Variants in ABTB3 observed in about 807,000 individuals in gnomAD.
ABTB3 encodes the protein ankyrin repeat and BTB domain containing 3, also known as ankyrin repeat- and BTB/POZ domain-containing protein 3.
chr12:107,589,045 C>T, the ABTB3 span, among the ~76,000 whole-genome samples: 1 of 152,188 alleles, frequency 6.6e-6, no homozygotes, highest in Non-Finnish European at 1.5e-5. Context: ...AGTTACTCAC[C>T]TCTCTGGGCC....
the ABTB3 span, among the ~76,000 whole-genome samples, chr12:107,519,103 G>A: frequency 2.0e-5 from 3 of 152,060 alleles, no homozygotes; most frequent in African/African-American, 7.2e-5. Context: ...CCACAATAAC[G>A]GTGAGTAACT....
At chr12:107,567,336 C>T in the ABTB3 span, among the ~76,000 whole-genome samples, 1 of 152,232 alleles carries the variant, frequency 6.6e-6, no homozygotes, top group Non-Finnish European at 1.5e-5. Context: ...AGATGAAGAA[C>T]TGAAGTACAG....
the ABTB3 span, among the ~76,000 whole-genome samples, chr12:107,602,753 C>G: frequency 9.7e-4 from 147 of 152,328 alleles, no homozygotes; most frequent in Middle Eastern, 3.4e-3. Flanking sequence ...TTGGCACTCA[C>G]AAAGCATCCA....
chr12:107,614,157 C>G, the ABTB3 span, among the ~76,000 whole-genome samples: 1 of 152,144 alleles, frequency 6.6e-6, no homozygotes, highest in Admixed American at 6.5e-5. Flanking sequence ...GTTACATGAC[C>G]CCAGGAGTGT....
the ABTB3 span, among the ~76,000 whole-genome samples, chr12:107,653,389 C>A: frequency 1.1e-4 from 16 of 151,966 alleles, no homozygotes; most frequent in Middle Eastern, 6.8e-3. Flanking sequence ...TGGTGGCGGG[C>A]GCCTGTAGTC....
At chr12:107,651,784 C>A in the ABTB3 span, 6 of 1,612,106 alleles carry the variant, frequency 3.7e-6, no homozygotes, top group Non-Finnish European at 5.1e-6. Flanking sequence ...ACAACCATGC[C>A]AAGGTAATCA....
chr12:107,553,925 G>C, the ABTB3 span, among the ~76,000 whole-genome samples: 1 of 152,244 alleles, frequency 6.6e-6, no homozygotes, highest in East Asian at 1.9e-4. Flanking sequence ...GAGTGACAGA[G>C]CAAGACTGTC....
the ABTB3 span, among the ~76,000 whole-genome samples, chr12:107,393,349 G>T: frequency 7.2e-6 from 1 of 138,696 alleles, no homozygotes; most frequent in Non-Finnish European, 1.5e-5. Context: ...GGGGGTGGGG[G>T]TGTGCTAGGG....
At chr12:107,519,813 G>A in the ABTB3 span, among the ~76,000 whole-genome samples, 1 of 152,154 alleles carries the variant, frequency 6.6e-6, no homozygotes, top group African/African-American at 2.4e-5. Flanking sequence ...AGGAAAGAGT[G>A]AATATTGCCA....
chr12:107,439,120 C>T, the ABTB3 span, among the ~76,000 whole-genome samples: 1 of 152,148 alleles, frequency 6.6e-6, no homozygotes, highest in Non-Finnish European at 1.5e-5. Flanking sequence ...CAGTCACCCA[C>T]ACACATGAAG....
chr12:107,341,188 T>C, the ABTB3 span, among the ~76,000 whole-genome samples: 3 of 152,120 alleles, frequency 2.0e-5, no homozygotes, highest in Non-Finnish European at 4.4e-5. Flanking sequence ...CAGACAGGGA[T>C]TGAGTAATCA....
At chr12:107,408,138 C>A in the ABTB3 span, among the ~76,000 whole-genome samples, 3 of 151,990 alleles carry the variant, frequency 2.0e-5, no homozygotes, top group East Asian at 1.9e-4. Flanking sequence ...AAAATGTGTG[C>A]GGCTTTGTGA....
the ABTB3 span, among the ~76,000 whole-genome samples, chr12:107,433,444 A>T: frequency 7.2e-5 from 11 of 152,154 alleles, no homozygotes; most frequent in African/African-American, 2.7e-4. Context: ...GTAGAGCATG[A>T]CATGGGCGTT....
At chr12:107,379,805 G>T in the ABTB3 span, among the ~76,000 whole-genome samples, 1 of 152,194 alleles carries the variant, frequency 6.6e-6, no homozygotes, top group Non-Finnish European at 1.5e-5. Context: ...AAGAACAAGG[G>T]TCAGTTGGAC....
the ABTB3 span, among the ~76,000 whole-genome samples, chr12:107,591,236 A>C: frequency 6.6e-6 from 1 of 152,222 alleles, no homozygotes; most frequent in Non-Finnish European, 1.5e-5. Flanking sequence ...CAGATGTTAG[A>C]TATGCAAAAT....
chr12:107,602,597 G>T, the ABTB3 span, among the ~76,000 whole-genome samples: 1 of 152,202 alleles, frequency 6.6e-6, no homozygotes, highest in Non-Finnish European at 1.5e-5. Flanking sequence ...GAACAATAAA[G>T]TGGTTACGTA....
At chr12:107,522,025 G>T in the ABTB3 span, among the ~76,000 whole-genome samples, 918 of 152,070 alleles carry the variant, frequency 6.0e-3, 8 homozygotes, top group African/African-American at 0.021. Flanking sequence ...CCAAGATCAA[G>T]GTGGCAGACA....
chr12:107,355,510 C>T, the ABTB3 span, among the ~76,000 whole-genome samples: 1 of 152,238 alleles, frequency 6.6e-6, no homozygotes, highest in African/African-American at 2.4e-5. Context: ...CTTTTCATGG[C>T]AGGTTTGCAG....
chr12:107,383,679 T>G, the ABTB3 span, among the ~76,000 whole-genome samples: 1 of 152,242 alleles, frequency 6.6e-6, no homozygotes, highest in Non-Finnish European at 1.5e-5. Context: ...GCAGGATTAA[T>G]GAGATAATGA....
Sources: gnomAD v4.1 joint callset for allele counts (sites outside exome capture counted in the v4.1 genomes callset) on GRCh38, gnomAD v4.1.1 for gene constraint, MANE v1.5 for transcripts, NCBI Gene and HGNC (gene_info 2026-07-23, HGNC 2026-07-21) for gene names.